MYO1B: variants seen among roughly 807,000 people sequenced by gnomAD.
MYO1B encodes the protein unconventional myosin-Ib.
Under a neutral mutation model 159.7 loss-of-function variants are expected in MYO1B, and 72 were observed. The ratio of observed to expected loss-of-function variants is 0.45; its 90% CI spans 0.37 to 0.55. The LOEUF is 0.55. Among genes scored for constraint, MYO1B ranks in the 20% least tolerant of loss-of-function variants. The pLI, the probability that MYO1B is intolerant of heterozygous loss-of-function variation, is 0.00. For missense variants in MYO1B, 1,062 were observed against 1,364.8 expected, an observed-to-expected ratio of 0.78 and a Z score of 3.50; for synonymous variants, 468 against 473.8, an observed-to-expected ratio of 0.99 and a Z score of 0.16.
At chr2:191,401,766 G>A (rs892787225) in intron 23 of MYO1B, 2 of 152,162 alleles carry the variant, frequency 1.3e-5, no homozygotes, top group African/African-American at 4.8e-5. Flanking sequence ...CTGAAAATCT[G>A]TGAAGAACAA....
chr2:191,299,134 G>C (rs1260229891), intron 3 of MYO1B, among the ~76,000 whole-genome samples: 1 of 151,260 alleles, frequency 6.6e-6, no homozygotes, highest in Admixed American at 6.6e-5. Context: ...CTAGGTCATA[G>C]AAGTTCATGC....
rs112216916 is a variant in MYO1B at position 191,288,108 on chromosome 2, C to T, written c.136-8003C>T. On this transcript the variant is annotated intron_variant, in intron 2 of 30. Transcript: ENST00000392318. Reference sequence around the variant, plus strand: ...ACATTTTATTTATCTATTCATCTGTCGCTGGACACTTGGGTGACTTCCTCC... The same window carrying T: ...ACATTTTATTTATCTATTCATCTGTTGCTGGACACTTGGGTGACTTCCTCC... Among the ~76,000 whole-genome samples, 366 of 151,972 alleles carry T rather than the reference C, an allele frequency of 2.4e-3. 4 individuals are homozygous for T. Among genetic ancestry groups the T allele is most frequent in the African/African-American group, 8.4e-3 (350 of 41,460 alleles).
At chr2:191,415,739 A>T (rs1474717794) in intron 29 of MYO1B, among the ~76,000 whole-genome samples, 2 of 152,212 alleles carry the variant, frequency 1.3e-5, no homozygotes, top group Non-Finnish European at 2.9e-5. Context: ...CAAGTCCTTC[A>T]GAAGAGTTGC....
chr2:191,285,223 G>A (rs1266499339), intron 2 of MYO1B, among the ~76,000 whole-genome samples: 1 of 152,188 alleles, frequency 6.6e-6, no homozygotes, highest in African/African-American at 2.4e-5. Context: ...TTGTCTCAAC[G>A]AAGATATGGC....
At chr2:191,320,185 AC>A (rs993756330) in intron 3 of MYO1B, among the ~76,000 whole-genome samples, 11 of 152,162 alleles carry the variant, frequency 7.2e-5, no homozygotes, top group Non-Finnish European at 1.5e-4. Context: ...GGCAACACGG[AC>A]CAGATGACTT....
chr2:191,322,124 A>G (rs532699638), intron 3 of MYO1B, among the ~76,000 whole-genome samples: 2 of 152,262 alleles, frequency 1.3e-5, no homozygotes, highest in South Asian at 4.1e-4. Context: ...CCTCTTGCCA[A>G]ACCCCAACAG....
At chr2:191,276,430 C>T (rs779740462) in intron 1 of MYO1B, among the ~76,000 whole-genome samples, 5 of 152,138 alleles carry the variant, frequency 3.3e-5, no homozygotes, top group Non-Finnish European at 5.9e-5. Flanking sequence ...ATGTAAAGTT[C>T]TTGGTATAGT....
rs747424990 is a variant in MYO1B at position 191,423,856 on chromosome 2, C to T, written c.3307C>T (p.Gln1103Ter). Residue 1103 changes from glutamine to a stop codon, truncating the protein, a stop_gained, in exon 31 of 31, where the codon CAG becomes TAG. Transcript: ENST00000392318. LOFTEE classifies it high-confidence loss of function. ...ISDEFLVQFR[Q>*]DKVCVKFIQG... ...TCCTAGGTTCCTGGTACAGTTCAGA[C>T]AGGACAAAGTATGTGTGAAGTTTAT... 6.2e-7 allele frequency: 1 copy of T among 1,613,738 alleles called. No individual in the cohort carries two copies. Among genetic ancestry groups the T allele is most frequent in the Non-Finnish European group, 8.5e-7 (1 of 1,179,800 alleles).
At chr2:191,394,425 A>G (rs143311839) in intron 20 of MYO1B, among the ~76,000 whole-genome samples, 75 of 152,384 alleles carry the variant, frequency 4.9e-4, no homozygotes, top group African/African-American at 1.7e-3. Flanking sequence ...TTTTGAGGTC[A>G]TTAAGAAAAG....
At chr2:191,290,530 C>T (rs569624411) in intron 2 of MYO1B, among the ~76,000 whole-genome samples, 69 of 152,168 alleles carry the variant, frequency 4.5e-4, no homozygotes, top group African/African-American at 1.5e-3. Flanking sequence ...ATATTAGAAT[C>T]GAACAAAAAA....
intron 21 of MYO1B, among the ~76,000 whole-genome samples, chr2:191,397,595 T>C (rs1381669025): frequency 3.7e-4 from 56 of 150,368 alleles, no homozygotes; most frequent in Middle Eastern, 6.9e-3. Flanking sequence ...TCTACTTCTA[T>C]CCACACAGAC....
At chr2:191,393,270 C>A in intron 20 of MYO1B, 48 bp downstream of exon 20, 1 of 1,594,720 alleles carries the variant, frequency 6.3e-7, no homozygotes, top group South Asian at 1.1e-5. Context: ...GCTAATTTGC[C>A]AACATTTATT....
chr2:191,376,601 C>T (rs976441475), intron 13 of MYO1B, among the ~76,000 whole-genome samples: 1 of 152,096 alleles, frequency 6.6e-6, no homozygotes, highest in African/African-American at 2.4e-5. Context: ...AATGTAGAAA[C>T]CCCCAAGCCA....
chr2:191,311,483 A>T (rs557687304), intron 3 of MYO1B, among the ~76,000 whole-genome samples: 1 of 152,256 alleles, frequency 6.6e-6, no homozygotes, highest in Admixed American at 6.5e-5. Context: ...ATGTTTCTTT[A>T]GGAATTGCTA....
intron 1 of MYO1B, among the ~76,000 whole-genome samples, chr2:191,260,362 A>G (rs761225555): frequency 3.5e-4 from 52 of 146,610 alleles, no homozygotes; most frequent in Non-Finnish European, 6.3e-4. Context: ...ACTTGTATGT[A>G]TGTGTTATTT....
At chr2:191,336,315 A>G (rs1222176820) in intron 4 of MYO1B, among the ~76,000 whole-genome samples, 1 of 152,192 alleles carries the variant, frequency 6.6e-6, no homozygotes, top group Non-Finnish European at 1.5e-5. Context: ...CCAACTGGAC[A>G]GTGACAGAGA....
intron 3 of MYO1B, among the ~76,000 whole-genome samples, chr2:191,321,156 G>C (rs556532393): frequency 2.6e-5 from 4 of 152,132 alleles, no homozygotes; most frequent in Admixed American, 6.6e-5. Context: ...TGGCATATGA[G>C]GTGCTGCTTT....
chr2:191,299,834 G>A (rs1292024469), intron 3 of MYO1B, among the ~76,000 whole-genome samples: 2 of 152,084 alleles, frequency 1.3e-5, no homozygotes, highest in Non-Finnish European at 2.9e-5. Flanking sequence ...TTTTTGTGAG[G>A]GCCAAATATG....
intron 29 of MYO1B, among the ~76,000 whole-genome samples, chr2:191,415,794 C>T (rs1424715219): frequency 2.0e-5 from 3 of 152,082 alleles, no homozygotes; most frequent in Admixed American, 6.5e-5. Context: ...AAACCCATAC[C>T]TGGAGGTTGC....
Sources: allele counts gnomAD v4.1 joint callset (sites outside exome capture counted in the v4.1 genomes callset), GRCh38; gene constraint gnomAD v4.1.1; transcripts MANE v1.5; gene names NCBI Gene and HGNC (gene_info 2026-07-23, HGNC 2026-07-21).